RFX4: variants seen among roughly 807,000 people sequenced by gnomAD.
RFX4 encodes regulatory factor X4, also known as transcription factor RFX4.
In RFX4, 10 loss-of-function variants were observed where a neutral mutation model predicts 95.0. The ratio of observed to expected loss-of-function variants is 0.11; its 90% CI spans 0.06 to 0.18. The LOEUF (loss-of-function observed/expected upper bound fraction) is 0.18. Among genes scored for constraint, RFX4 ranks in the 10% least tolerant of loss-of-function variants. The probability of loss-of-function intolerance (pLI) is 1.00; values close to 1 mark genes in which losing one functional copy is unlikely to be tolerated. For missense variants in RFX4, 640 were observed against 922.0 expected, an observed-to-expected ratio of 0.69 and a Z score of 3.96; for synonymous variants, 321 against 340.7, an observed-to-expected ratio of 0.94 and a Z score of 0.64.
chr12:106,592,765 G>C (rs2039566981), intron 1 of RFX4, among the ~76,000 whole-genome samples: 1 of 152,188 alleles, frequency 6.6e-6, no homozygotes. Flanking sequence ...GCAGGATGCA[G>C]AGAGAGTTTG....
At chr12:106,694,152 T>G (rs980225338) in intron 7 of RFX4, among the ~76,000 whole-genome samples, 12 of 152,180 alleles carry the variant, frequency 7.9e-5, no homozygotes, top group African/African-American at 2.9e-4. Flanking sequence ...CTAACTGAAG[T>G]CTTTTCGATT....
intron 8 of RFX4, among the ~76,000 whole-genome samples, chr12:106,704,504 T>TG (rs926481624): frequency 3.3e-5 from 5 of 152,224 alleles, no homozygotes; most frequent in African/African-American, 1.2e-4. Flanking sequence ...CCAAGCCTTG[T>TG]GCTTGGCATC....
chr12:106,600,014 CA>C (rs2039677508), intron 1 of RFX4, among the ~76,000 whole-genome samples: 1 of 152,154 alleles, frequency 6.6e-6, no homozygotes, highest in African/African-American at 2.4e-5. Flanking sequence ...CCACTCTACT[CA>C]AAAACTTTAT....
chr12:106,693,179 C>T (rs1476126751), intron 7 of RFX4: 4 of 364,736 alleles, frequency 1.1e-5, no homozygotes, highest in Non-Finnish European at 2.2e-5. Context: ...CATTCTCCCT[C>T]CTTCCTTTTC....
intron 1 of RFX4, among the ~76,000 whole-genome samples, chr12:106,588,635 C>T (rs1282325807): frequency 6.6e-6 from 1 of 152,108 alleles, no homozygotes; most frequent in African/African-American, 2.4e-5. Context: ...TTGATATGCT[C>T]TATTGAGTTG....
At chr12:106,587,813 G>A (rs2039483346) in intron 1 of RFX4, among the ~76,000 whole-genome samples, 1 of 152,238 alleles carries the variant, frequency 6.6e-6, no homozygotes, top group African/African-American at 2.4e-5. Flanking sequence ...TTAGAATAAG[G>A]TGGGAACGGA....
intron 15 of RFX4, among the ~76,000 whole-genome samples, chr12:106,737,174 T>G (rs974622015): frequency 3.7e-4 from 29 of 78,832 alleles, no homozygotes; most frequent in African/African-American, 7.3e-4. Context: ...TTTTTTTTTT[T>G]TTTTTTTTTT....
At chr12:106,647,193 A>G (rs1341467784) in intron 3 of RFX4, among the ~76,000 whole-genome samples, 1 of 152,180 alleles carries the variant, frequency 6.6e-6, no homozygotes, top group Non-Finnish European at 1.5e-5. Context: ...AGTGCCTGGC[A>G]TATAGTAGGT....
At chr12:106,585,100 C>T (rs1484566681) in intron 1 of RFX4, among the ~76,000 whole-genome samples, 2 of 152,248 alleles carry the variant, frequency 1.3e-5, no homozygotes, top group Non-Finnish European at 2.9e-5. Flanking sequence ...AACTTAAACG[C>T]ATGTCTGCAG....
At chr12:106,644,232 T>A (rs1482775571) in intron 3 of RFX4, among the ~76,000 whole-genome samples, 4 of 115,418 alleles carry the variant, frequency 3.5e-5, no homozygotes, top group Non-Finnish European at 7.9e-5. Flanking sequence ...CATTTCCCCT[T>A]TTTTTTTTTT....
intron 5 of RFX4, among the ~76,000 whole-genome samples, chr12:106,685,125 G>A (rs976489550): frequency 2.6e-5 from 4 of 152,140 alleles, no homozygotes; most frequent in Non-Finnish European, 5.9e-5. Context: ...TATTGCCACG[G>A]GACTGTGAAA....
intron 7 of RFX4, among the ~76,000 whole-genome samples, chr12:106,695,004 T>C (rs2041853406): frequency 6.6e-6 from 1 of 151,994 alleles, no homozygotes; most frequent in Non-Finnish European, 1.5e-5. Flanking sequence ...ACCACTGCAC[T>C]CCAGCCTGGG....
chr12:106,597,674 TG>T (rs1555224238), intron 1 of RFX4, among the ~76,000 whole-genome samples: 1 of 152,166 alleles, frequency 6.6e-6, no homozygotes, highest in Non-Finnish European at 1.5e-5. Flanking sequence ...CGCCAGTCCA[TG>T]GTCTTAACTA....
intron 1 of RFX4, among the ~76,000 whole-genome samples, chr12:106,589,096 G>C (rs1426991183): frequency 6.6e-6 from 1 of 152,126 alleles, no homozygotes; most frequent in Non-Finnish European, 1.5e-5. Context: ...GAGACGGTGG[G>C]AGAAACCCCC....
chr12:106,716,518 A>C (rs2042294784), intron 11 of RFX4, among the ~76,000 whole-genome samples: 1 of 152,170 alleles, frequency 6.6e-6, no homozygotes, highest in Non-Finnish European at 1.5e-5. Flanking sequence ...AAGTTCCCTA[A>C]GAGGGTCCTA....
chr12:106,601,162 A>C lies in RFX4; in HGVS notation c.44-7635A>C, dbSNP rs952240721. On this transcript the variant is annotated intron_variant, in intron 1 of 17. Coordinates refer to ENST00000392842, the MANE Select transcript of RFX4 (RefSeq NM_213594.3). ...GTTGCCATGGCAACCCACTGACCTG[A>C]GCCACCCCCTGGAGAGGCCACAGCT... 1.1e-5 allele frequency: 17 copies of C among 1,487,660 alleles called. No individual in the cohort carries two copies. The South Asian group carries it at 2.0e-4, about 18-fold the overall frequency. 92.2% of individuals were successfully genotyped at this position (1,487,660 alleles called of 1,614,324 possible).
chr12:106,632,054 A>G (rs1489560029), intron 2 of RFX4, among the ~76,000 whole-genome samples: 1 of 152,216 alleles, frequency 6.6e-6, no homozygotes, highest in Non-Finnish European at 1.5e-5. Context: ...AAACTGAGGA[A>G]CCAAAATGTT....
chr12:106,649,598 G>A (rs2040820686), intron 3 of RFX4, among the ~76,000 whole-genome samples: 1 of 152,130 alleles, frequency 6.6e-6, no homozygotes, highest in South Asian at 2.1e-4. Flanking sequence ...CATTTGATGT[G>A]ATGTTTCTTA....
chr12:106,587,798 A>G (rs943827168), intron 1 of RFX4, among the ~76,000 whole-genome samples: 2 of 152,176 alleles, frequency 1.3e-5, no homozygotes, highest in East Asian at 3.9e-4. Flanking sequence ...TGAAAGGGTG[A>G]TGGGTTAGAA....
Sources: allele counts gnomAD v4.1 joint callset (sites outside exome capture counted in the v4.1 genomes callset), GRCh38; gene constraint gnomAD v4.1.1; transcripts MANE v1.5; gene names NCBI Gene and HGNC (gene_info 2026-07-23, HGNC 2026-07-21).